AOAH: variants seen among roughly 807,000 people sequenced by gnomAD.
AOAH encodes acyloxyacyl hydrolase, also known as acyloxyacyl hydrolase (neutrophil).
A neutral mutation model predicts 92.2 loss-of-function variants in AOAH; 64 were observed. That is an observed-to-expected ratio of 0.69 (90% CI 0.57 to 0.86). AOAH has a LOEUF of 0.86. Ranked by LOEUF, AOAH falls within the 40% of genes least tolerant of loss-of-function variation. AOAH has a pLI of 0.00. For missense variants in AOAH, 656 were observed against 694.6 expected (o/e 0.94, Z 0.62); for synonymous variants, 263 against 254.5 (o/e 1.03, Z -0.32).
intron 6 of AOAH, among the ~76,000 whole-genome samples, chr7:36,625,309 G>A (rs887909227): frequency 6.6e-6 from 1 of 152,124 alleles, no homozygotes; most frequent in Non-Finnish European, 1.5e-5. Flanking sequence ...GGAGTCAGTT[G>A]GAGTCACTGC....
intron 16 of AOAH, among the ~76,000 whole-genome samples, chr7:36,536,845 G>A (rs1785089948): frequency 6.7e-6 from 1 of 150,126 alleles, no homozygotes; most frequent in South Asian, 2.1e-4. Flanking sequence ...GCTACTCGGG[G>A]GAGCTGAGGC....
At chr7:36,691,454 T>C (rs1161794392) in intron 1 of AOAH, among the ~76,000 whole-genome samples, 1 of 152,150 alleles carries the variant, frequency 6.6e-6, no homozygotes, top group Non-Finnish European at 1.5e-5. Flanking sequence ...CACCTTACCC[T>C]TTCTTTCTTC....
At chr7:36,721,149 A>G (rs1427975751) in intron 1 of AOAH, among the ~76,000 whole-genome samples, 1 of 152,188 alleles carries the variant, frequency 6.6e-6, no homozygotes, top group African/African-American at 2.4e-5. Flanking sequence ...TGCCAGCATC[A>G]GAGTCCCTTG....
chr7:36,579,506 T>C (rs1001982656), intron 12 of AOAH, among the ~76,000 whole-genome samples: 6 of 152,024 alleles, frequency 3.9e-5, no homozygotes, highest in African/African-American at 1.5e-4. Flanking sequence ...ACAGAACTAA[T>C]GGAATGAATA....
Position 36,532,270 on chromosome 7 carries a change from G to A in AOAH, c.1365+16C>T, listed in dbSNP as rs1396025316. On this transcript the variant is annotated intron_variant, in intron 17 of 20. Transcript: ENST00000617537. The stretch of plus-strand genomic sequence containing the variant: ...GGTAGGTAAGCGGGCCTTGAAGCAA[G>A]CCAGTGAGTGCTCACCTGGAGGCAG... 2 of 1,613,986 alleles carry A rather than the reference G, an allele frequency of 1.2e-6. No homozygotes were observed. Among genetic ancestry groups the A allele is most frequent in the African/African-American group, 2.7e-5 (2 of 74,930 alleles).
At chr7:36,601,626 A>ATAATC (rs1790609344) in intron 11 of AOAH, among the ~76,000 whole-genome samples, 1 of 152,274 alleles carries the variant, frequency 6.6e-6, no homozygotes, top group Non-Finnish European at 1.5e-5. Flanking sequence ...ATTAAAAAAG[A>ATAATC]TAATCTATGC....
intron 11 of AOAH, among the ~76,000 whole-genome samples, chr7:36,613,310 C>T (rs1258862533): frequency 2.0e-5 from 3 of 152,150 alleles, no homozygotes; most frequent in Admixed American, 6.5e-5. Context: ...CTCCTAGTAT[C>T]TTCCCTCGTT....
At position 36,513,049 on chromosome 7, in the gene AOAH, G is replaced by A. The variant is rs530143562; in HGVS notation, c.*203C>T. 406 of 1,541,680 alleles carry A rather than the reference G, an allele frequency of 2.6e-4. 6 individuals carry two copies. In the South Asian group the frequency reaches 4.6e-3, roughly 17 times the overall value. On this transcript the variant is annotated 3_prime_UTR_variant, in exon 21 of 21. Coordinates refer to ENST00000617537, the MANE Select transcript of AOAH (RefSeq NM_001637.4). ...ATGAAAGGTTATTTCAGGAACAGCG[G>A]AAGGGTTACTGATCCCGGGAGCACA... is the stretch of plus-strand genomic sequence containing the variant.
chr7:36,586,810 T>A (rs73687554), intron 12 of AOAH, among the ~76,000 whole-genome samples: 36,578 of 152,102 alleles, frequency 0.24, 5,454 homozygotes, highest in African/African-American at 0.41. Flanking sequence ...ACATGTTAAC[T>A]TGTCACTTTT....
chr7:36,644,682 G>A (rs1584018834), intron 4 of AOAH, among the ~76,000 whole-genome samples: 2 of 152,254 alleles, frequency 1.3e-5, no homozygotes, highest in African/African-American at 4.8e-5. Flanking sequence ...ACTTAGAAAG[G>A]AAAGAAAAAT....
intron 2 of AOAH, among the ~76,000 whole-genome samples, chr7:36,679,385 C>T (rs1318660134): frequency 6.6e-6 from 1 of 150,754 alleles, no homozygotes; most frequent in Non-Finnish European, 1.5e-5. Context: ...ATTCTATAGA[C>T]AAGAACATTA....
chr7:36,587,596 A>G (rs1476461017), intron 12 of AOAH, among the ~76,000 whole-genome samples: 1 of 152,198 alleles, frequency 6.6e-6, no homozygotes, highest in Non-Finnish European at 1.5e-5. Flanking sequence ...AGTTATGAAG[A>G]TATTCCAAAT....
intron 5 of AOAH, among the ~76,000 whole-genome samples, chr7:36,633,979 A>T (rs1030485567): frequency 6.6e-6 from 1 of 152,092 alleles, no homozygotes; most frequent in Non-Finnish European, 1.5e-5. Flanking sequence ...CTGCCTCCAG[A>T]CACTGCCAAA....
At chr7:36,617,989 T>A (rs1792020065) in intron 10 of AOAH, among the ~76,000 whole-genome samples, 1 of 152,238 alleles carries the variant, frequency 6.6e-6, no homozygotes, top group South Asian at 2.1e-4. Context: ...GCTGCCTATT[T>A]TCTTATTTGG....
At chr7:36,582,614 A>T (rs16879431) in intron 12 of AOAH, among the ~76,000 whole-genome samples, 3,018 of 152,310 alleles carry the variant, frequency 0.02, 95 homozygotes, top group South Asian at 0.084. Context: ...AACAAAACAG[A>T]GTAATATCAA....
intron 15 of AOAH, among the ~76,000 whole-genome samples, chr7:36,547,614 A>T (rs1392412087): frequency 1.3e-5 from 2 of 152,072 alleles, no homozygotes; most frequent in African/African-American, 2.4e-5. Flanking sequence ...GTTTCCTAAA[A>T]TAGTGAGTGG....
chr7:36,686,655 G>A (rs776886842), intron 2 of AOAH, 44 bp downstream of exon 2: 7 of 1,199,362 alleles, frequency 5.8e-6, no homozygotes, highest in East Asian at 2.8e-5. Flanking sequence ...TCATGAGTGA[G>A]AGGACAAGCA....
chr7:36,659,326 G>C, intron 3 of AOAH, 61 bp from the exon 4 acceptor site: 1 of 1,365,838 alleles, frequency 7.3e-7, no homozygotes, highest in Non-Finnish European at 1.0e-6. Context: ...GGAAACAGAA[G>C]CTACTGCAAA....
chr7:36,524,651 G>T (rs912176068), intron 19 of AOAH, among the ~76,000 whole-genome samples: 2 of 151,918 alleles, frequency 1.3e-5, no homozygotes, highest in African/African-American at 4.8e-5. Flanking sequence ...ACTTCAGCCC[G>T]GGAGACAGTG....
Sources: gnomAD v4.1 joint callset for allele counts (sites outside exome capture counted in the v4.1 genomes callset) on GRCh38, gnomAD v4.1.1 for gene constraint, MANE v1.5 for transcripts, NCBI Gene and HGNC (gene_info 2026-07-23, HGNC 2026-07-21) for gene names.